The following UGGT1 variants were observed in gnomAD, a reference collection of about 807,000 sequenced individuals.
The protein encoded by UGGT1 is UDP-glucose glycoprotein glucosyltransferase 1.
UGGT1 carries 107 observed loss-of-function variants against 203.9 expected under a neutral mutation model. That is an observed-to-expected ratio of 0.52 (90% CI 0.45 to 0.62). UGGT1 has a LOEUF of 0.62. Ranked by LOEUF, UGGT1 falls within the 20% of genes least tolerant of loss-of-function variation. The pLI is 0.00. For missense variants in UGGT1, 1,673 were observed against 1,867.2 expected, an observed-to-expected ratio of 0.90 and a Z score of 1.92; for synonymous variants, 628 against 653.5, an observed-to-expected ratio of 0.96 and a Z score of 0.59.
chr2:128,182,176 G>A lies in UGGT1; in HGVS notation c.4130G>A (p.Gly1377Asp), dbSNP rs745450606. The A allele has an allele frequency of 3.1e-6, 5 of 1,614,104 alleles. No individual in the cohort carries two copies. Among genetic ancestry groups the A allele is most frequent in the Non-Finnish European group, 4.2e-6 (5 of 1,180,010 alleles). The change falls in exon 37 of 41, where the codon GGT becomes GAT. Residue 1377 changes from glycine to aspartate, a missense_variant. By Grantham distance (94) the Gly-to-Asp change is moderately conservative. This residue lies in a region of UGGT1 where 513 missense variants were observed against 684.1 expected (regional missense o/e 0.75). Transcript: ENST00000259253. The part of the protein sequence containing the change: ...LKELRDFNLD[G>D]APYGYTPFCD... Reference sequence around the variant, plus strand: ...GAGTTAAGAGATTTCAATTTGGATGGTGCTCCTTATGGTTACACTCCTTTC... The same window carrying A: ...GAGTTAAGAGATTTCAATTTGGATGATGCTCCTTATGGTTACACTCCTTTC...
At chr2:128,100,352 A>T (rs1055343393) in intron 2 of UGGT1, among the ~76,000 whole-genome samples, 2 of 149,380 alleles carry the variant, frequency 1.3e-5, no homozygotes, top group African/African-American at 4.9e-5. Flanking sequence ...ATTTACTATC[A>T]CTTTCTGAAT....
At chr2:128,147,204 G>T (rs181862924) in intron 18 of UGGT1, among the ~76,000 whole-genome samples, 19 of 152,300 alleles carry the variant, frequency 1.2e-4, no homozygotes, top group Middle Eastern at 3.4e-3. Flanking sequence ...ATGTTCCTCA[G>T]ACTGGATAAT....
At chr2:128,098,168 T>C (rs1687201011) in intron 2 of UGGT1, among the ~76,000 whole-genome samples, 1 of 152,182 alleles carries the variant, frequency 6.6e-6, no homozygotes, top group Non-Finnish European at 1.5e-5. Context: ...TGGCCAGTTG[T>C]ATTCAAATTT....
intron 2 of UGGT1, among the ~76,000 whole-genome samples, chr2:128,103,410 T>C (rs1450640848): frequency 5.9e-5 from 9 of 152,230 alleles, no homozygotes; most frequent in African/African-American, 2.2e-4. Context: ...AAACTAAGTT[T>C]GGTGATCTTG....
intron 26 of UGGT1, among the ~76,000 whole-genome samples, chr2:128,168,820 G>A (rs554878436): frequency 6.6e-6 from 1 of 152,118 alleles, no homozygotes; most frequent in Non-Finnish European, 1.5e-5. Context: ...GCCAAGGCAG[G>A]CAGATCACTT....
intron 36 of UGGT1, among the ~76,000 whole-genome samples, chr2:128,181,556 C>T (rs1013018067): frequency 3.3e-5 from 5 of 152,170 alleles, no homozygotes; most frequent in African/African-American, 9.7e-5. Flanking sequence ...CATAAGTGTA[C>T]GTCTGCCCAC....
intron 3 of UGGT1, 69 bp downstream of exon 3, chr2:128,104,083 A>G: frequency 1.6e-6 from 2 of 1,252,744 alleles, no homozygotes; most frequent in South Asian, 1.5e-5. Flanking sequence ...TTGTCTCTTT[A>G]TAGTATGTGT....
At chr2:128,118,813 G>C (rs1337096695) in intron 8 of UGGT1, among the ~76,000 whole-genome samples, 1 of 151,942 alleles carries the variant, frequency 6.6e-6, no homozygotes, top group African/African-American at 2.4e-5. Flanking sequence ...ACCTCCCGAG[G>C]CTCAGGTGAT....
intron 25 of UGGT1, 148 bp from the exon 26 acceptor site, chr2:128,164,582 A>T: frequency 1.6e-6 from 1 of 615,122 alleles, no homozygotes; most frequent in South Asian, 1.9e-5. Context: ...ACCACTAATC[A>T]CTCTTTCTCA....
Position 128,161,882 on chromosome 2 carries a change from A to G in UGGT1, c.2825+614A>G, listed in dbSNP as rs146687087. Among the ~76,000 whole-genome samples, 6 of 152,342 alleles carry G rather than the reference A, an allele frequency of 3.9e-5. No individual in the cohort carries two copies. The East Asian group carries it at 9.6e-4, about 24-fold the overall frequency. ...TTTCTGCATTAAATATCAAATGACT[A>G]TGTAGTTGGAGGATCTATTTCTATG... On this transcript the variant is annotated intron_variant, in intron 25 of 40. Transcript: ENST00000259253.
At chr2:128,100,038 T>A (rs13403116) in intron 2 of UGGT1, among the ~76,000 whole-genome samples, 84,841 of 95,076 alleles carry the variant, frequency 0.89, 38,320 homozygotes, top group Non-Finnish European at 0.97. Context: ...CCACCCTACT[T>A]ATTTTTTTTG....
At chr2:128,146,016 AT>A in intron 18 of UGGT1, 49 bp downstream of exon 18, 1 of 1,608,720 alleles carries the variant, frequency 6.2e-7, no homozygotes, top group Non-Finnish European at 8.5e-7. Context: ...GTTGGCTTAT[AT>A]TTTTTGTTGC....
At position 128,108,129 on chromosome 2, in the gene UGGT1, C is replaced by T. The variant is rs1038315842; in HGVS notation, c.408+61C>T. 48 of 1,556,042 alleles carry T rather than the reference C, an allele frequency of 3.1e-5. No individual in the cohort carries two copies. In the Middle Eastern group the frequency reaches 1.5e-3, roughly 50 times the overall value. ...GTGTATATCATGATGAATGGATGGA[C>T]CCCAGTTGTCCTGGAATTGAATTAC... On this transcript the variant is annotated intron_variant, in intron 4 of 40. Coordinates refer to ENST00000259253, the MANE Select transcript of UGGT1 (RefSeq NM_020120.4).
chr2:128,182,050 C>T (rs954800448), intron 36 of UGGT1, 80 bp from the exon 37 acceptor site: 7 of 1,441,324 alleles, frequency 4.9e-6, no homozygotes, highest in South Asian at 1.3e-5. Flanking sequence ...CTGCCTTAAG[C>T]GAGCCACTCT....
intron 26 of UGGT1, among the ~76,000 whole-genome samples, chr2:128,167,162 C>A (rs944655464): frequency 6.6e-6 from 1 of 152,154 alleles, no homozygotes; most frequent in African/African-American, 2.4e-5. Context: ...GGGAGGAAAC[C>A]TTTCCTAATC....
At position 128,160,481 on chromosome 2, in the gene UGGT1, A is replaced by G; in HGVS notation, c.2584A>G (p.Lys862Glu). The change falls in exon 24 of 41, where the codon AAA becomes GAA. Residue 862 changes from lysine (K) to glutamate (E), a missense_variant. Coordinates refer to ENST00000259253, the MANE Select transcript of UGGT1 (RefSeq NM_020120.4). Reference protein sequence around the residue: ...SVGGMDFSLFKEVFESSKMDF... With the variant: ...SVGGMDFSLFEEVFESSKMDF... Reference sequence around the variant, plus strand: ...CTAGGGAATGGATTTCAGTCTTTTTAAAGAGGTCTTTGAGTCTTCCAAAAT... The same window carrying G: ...CTAGGGAATGGATTTCAGTCTTTTTGAAGAGGTCTTTGAGTCTTCCAAAAT... 4.4e-6 allele frequency: 7 copies of G among 1,605,424 alleles called. No homozygotes were observed. The South Asian group carries it at 6.7e-5, about 15-fold the overall frequency.
At chr2:128,096,787 G>C (rs1687134351) in intron 1 of UGGT1, among the ~76,000 whole-genome samples, 1 of 152,086 alleles carries the variant, frequency 6.6e-6, no homozygotes, top group Non-Finnish European at 1.5e-5. Context: ...AGCTTTATTT[G>C]CTTTCATCCT....
intron 11 of UGGT1, among the ~76,000 whole-genome samples, chr2:128,124,681 C>CTT (rs1223408611): frequency 7.8e-4 from 55 of 70,890 alleles, no homozygotes; most frequent in African/African-American, 2.4e-3. Context: ...ATTCTTTTCT[C>CTT]TTTTTCAAAA....
intron 25 of UGGT1, among the ~76,000 whole-genome samples, chr2:128,163,486 C>T (rs1285043068): frequency 3.4e-5 from 5 of 146,782 alleles, no homozygotes; most frequent in South Asian, 2.2e-4. Context: ...AAGGCCGAGG[C>T]GGGCGGATCA....
Sources: allele counts gnomAD v4.1 joint callset (sites outside exome capture counted in the v4.1 genomes callset), GRCh38; gene constraint gnomAD v4.1.1; regional missense constraint gnomAD v4.1.1; transcripts MANE v1.5; gene names NCBI Gene and HGNC (gene_info 2026-07-23, HGNC 2026-07-21).